Variants in EPHA5 observed in about 807,000 individuals in gnomAD.
EPHA5 encodes ephrin type-A receptor 5.
EPHA5 carries 60 observed loss-of-function variants against 105.0 expected under a neutral mutation model. The observed-to-expected ratio is 0.57, with a 90% CI of 0.46 to 0.71. The LOEUF is 0.71. Among genes scored for constraint, EPHA5 ranks in the 30% least tolerant of loss-of-function variants. The probability of loss-of-function intolerance (pLI) is 0.00; values close to 1 mark genes in which losing one functional copy is unlikely to be tolerated. For synonymous variants in EPHA5, 513 were observed against 449.1 expected, an observed-to-expected ratio of 1.14 and a Z score of -1.80; for missense variants, 1,218 against 1,274.7, an observed-to-expected ratio of 0.96 and a Z score of 0.68.
chr4:65,377,679 C>G (rs1461941001), intron 8 of EPHA5, among the ~76,000 whole-genome samples: 1 of 151,860 alleles, frequency 6.6e-6, no homozygotes, highest in Non-Finnish European at 1.5e-5. Context: ...TATAAAAAAG[C>G]AAACTATACA....
At chr4:65,556,719 T>A (rs981747972) in intron 3 of EPHA5, among the ~76,000 whole-genome samples, 29 of 152,114 alleles carry the variant, frequency 1.9e-4, no homozygotes, top group African/African-American at 7.0e-4. Context: ...ATTTTCAGCA[T>A]TATTATTATT....
chr4:65,565,744 C>T (rs1244432403), intron 3 of EPHA5, among the ~76,000 whole-genome samples: 5 of 150,248 alleles, frequency 3.3e-5, no homozygotes, highest in Non-Finnish European at 7.4e-5. Context: ...CTAGCTAATA[C>T]ATATTATGGG....
chr4:65,571,686 A>G (rs188749961), intron 3 of EPHA5, among the ~76,000 whole-genome samples: 98 of 152,106 alleles, frequency 6.4e-4, no homozygotes, highest in Admixed American at 3.5e-3. Context: ...GGTCTTACGT[A>G]TGTTTTACTT....
chr4:65,496,376 C>T (rs1169062570), intron 3 of EPHA5, among the ~76,000 whole-genome samples: 1 of 121,128 alleles, frequency 8.3e-6, no homozygotes, highest in East Asian at 2.9e-4. Flanking sequence ...CTATCCCTCC[C>T]CCCTCCCCCC....
intron 3 of EPHA5, among the ~76,000 whole-genome samples, chr4:65,518,636 T>C (rs1049337769): frequency 1.3e-5 from 2 of 152,004 alleles, no homozygotes; most frequent in African/African-American, 4.8e-5. Context: ...TATCATTATG[T>C]TCTTACGTCA....
chr4:65,476,267 C>A (rs1203681186), intron 5 of EPHA5, among the ~76,000 whole-genome samples: 1 of 151,828 alleles, frequency 6.6e-6, no homozygotes, highest in Admixed American at 6.6e-5. Context: ...ATTCTTAAAA[C>A]CACTAAAGAT....
intron 8 of EPHA5, among the ~76,000 whole-genome samples, chr4:65,401,074 A>G (rs1033496628): frequency 2.5e-4 from 38 of 151,380 alleles, no homozygotes; most frequent in Non-Finnish European, 5.3e-4. Flanking sequence ...GAGAGAGAGA[A>G]AGAAAAAAAA....
At position 65,483,007 on chromosome 4, in the gene EPHA5, T is replaced by A. The variant is rs56387351; in HGVS notation, c.1402+7370A>T. Among the ~76,000 whole-genome samples, 3 of 152,014 alleles carry A rather than the reference T, an allele frequency of 2.0e-5. No homozygotes were observed. The East Asian group carries it at 5.8e-4, about 30-fold the overall frequency. On this transcript the variant is annotated intron_variant, in intron 5 of 16. Transcript: ENST00000613740. The stretch of plus-strand genomic sequence containing the variant: ...GTATATCTCCTAATGCTATCCCTCC[T>A]CACGCCCTCCACCCCACAACAGGCC...
chr4:65,509,114 C>T (rs898852310), intron 3 of EPHA5, among the ~76,000 whole-genome samples: 3 of 152,050 alleles, frequency 2.0e-5, no homozygotes, highest in African/African-American at 7.2e-5. Flanking sequence ...CATTAATTTT[C>T]AGTGTGCAAG....
At chr4:65,590,969 A>C (rs1186008008) in intron 3 of EPHA5, among the ~76,000 whole-genome samples, 1 of 152,100 alleles carries the variant, frequency 6.6e-6, no homozygotes, top group Non-Finnish European at 1.5e-5. Flanking sequence ...TACGATTCTA[A>C]GGCTAAAATT....
At chr4:65,425,697 T>A (rs970934391) in intron 5 of EPHA5, among the ~76,000 whole-genome samples, 2 of 152,052 alleles carry the variant, frequency 1.3e-5, no homozygotes, top group Non-Finnish European at 2.9e-5. Flanking sequence ...GAAAGTTGGA[T>A]CAGTATTGAG....
intron 13 of EPHA5, among the ~76,000 whole-genome samples, chr4:65,350,369 T>C (rs561421269): frequency 6.6e-6 from 1 of 150,732 alleles, no homozygotes; most frequent in Non-Finnish European, 1.5e-5. Context: ...AAAAATGTTT[T>C]AAAAAAAAAA....
chr4:65,576,201 G>A (rs1246294965), intron 3 of EPHA5, among the ~76,000 whole-genome samples: 1 of 151,604 alleles, frequency 6.6e-6, no homozygotes, highest in Admixed American at 6.6e-5. Context: ...GAAAATAAAT[G>A]CAGAAAATTG....
At chr4:65,397,914 T>C (rs1721407812) in intron 8 of EPHA5, among the ~76,000 whole-genome samples, 1 of 152,172 alleles carries the variant, frequency 6.6e-6, no homozygotes, top group South Asian at 2.1e-4. Context: ...CTGATGGCAG[T>C]GGTGGCCTGT....
intron 3 of EPHA5, among the ~76,000 whole-genome samples, chr4:65,518,478 T>C (rs774661260): frequency 2.4e-4 from 36 of 151,856 alleles, no homozygotes; most frequent in Non-Finnish European, 4.6e-4. Flanking sequence ...CTGTTTCAAA[T>C]TTAGTACTTT....
chr4:65,447,002 C>G (rs1215793121), intron 5 of EPHA5, among the ~76,000 whole-genome samples: 2 of 91,508 alleles, frequency 2.2e-5, no homozygotes, highest in Admixed American at 1.2e-4. Flanking sequence ...TTTTTTGTTC[C>G]TTGAGACAGG....
In EPHA5 at chr4:65,610,758, A is replaced by T. The variant is rs138572641; in HGVS notation, c.247-8454T>A. Among the ~76,000 whole-genome samples, 51 of 152,232 alleles carry T rather than the reference A, an allele frequency of 3.4e-4. No individual in the cohort carries two copies. In the East Asian group the frequency reaches 7.2e-3, roughly 21 times the overall value. On this transcript the variant is annotated intron_variant, in intron 2 of 16. Transcript: ENST00000613740. Reference sequence around the variant, plus strand: ...AACCCTATTGTATAGGGTACATGTGATCTAATTTGTCAGTAATGAGTGCCA... The same window carrying T: ...AACCCTATTGTATAGGGTACATGTGTTCTAATTTGTCAGTAATGAGTGCCA...
At chr4:65,521,863 T>A (rs115070934) in intron 3 of EPHA5, among the ~76,000 whole-genome samples, 1 of 152,032 alleles carries the variant, frequency 6.6e-6, no homozygotes, top group South Asian at 2.1e-4. Context: ...ATAAAGTAGG[T>A]GCCTGCAGCA....
At chr4:65,398,562 A>C (rs1721488212) in intron 8 of EPHA5, among the ~76,000 whole-genome samples, 2 of 152,122 alleles carry the variant, frequency 1.3e-5, no homozygotes, top group Admixed American at 1.3e-4. Context: ...ATCCAGAGTG[A>C]GAAGTTATGG....
Sources: gnomAD v4.1 joint callset for allele counts (sites outside exome capture counted in the v4.1 genomes callset) on GRCh38, gnomAD v4.1.1 for gene constraint, MANE v1.5 for transcripts, NCBI Gene and HGNC (gene_info 2026-07-23, HGNC 2026-07-21) for gene names.